The following ADCY2 variants were observed in gnomAD, a reference collection of about 807,000 sequenced individuals.
ADCY2 encodes the protein adenylate cyclase type 2.
ADCY2 carries 31 observed loss-of-function variants against 125.2 expected under a neutral mutation model. That is an observed-to-expected ratio of 0.25 (90% CI 0.19 to 0.33). The LOEUF is 0.33. ADCY2 is among the 10% of genes least tolerant of loss of function. The probability of loss-of-function intolerance (pLI) is 1.00; values close to 1 mark genes in which losing one functional copy is unlikely to be tolerated. For missense variants in ADCY2, 904 were observed against 1,418.2 expected (o/e 0.64, Z 5.82); for synonymous variants, 512 against 548.4 (o/e 0.93, Z 0.93).
intron 22 of ADCY2, among the ~76,000 whole-genome samples, chr5:7,811,229 G>T (rs183209045): frequency 1.4e-4 from 22 of 152,270 alleles, no homozygotes; most frequent in African/African-American, 5.3e-4. Flanking sequence ...TGGGCCGGGC[G>T]CAGTGGCTCA....
intron 21 of ADCY2, among the ~76,000 whole-genome samples, chr5:7,803,216 G>A (rs75839767): frequency 0.016 from 2,405 of 152,226 alleles, 67 homozygotes; most frequent in African/African-American, 0.055. Flanking sequence ...GACAAATAGC[G>A]GCTGGGGGTC....
chr5:7,763,175 G>T (rs897523094), intron 16 of ADCY2, among the ~76,000 whole-genome samples: 3 of 151,774 alleles, frequency 2.0e-5, no homozygotes, highest in Admixed American at 1.3e-4. Flanking sequence ...CTCACTGCAA[G>T]CTCCGCCTCC....
chr5:7,584,486 A>T (rs11957387), intron 3 of ADCY2, among the ~76,000 whole-genome samples: 12,336 of 152,146 alleles, frequency 0.081, 719 homozygotes, highest in Non-Finnish European at 0.12. Context: ...TGAGCAGATG[A>T]ACTGTGTTCA....
intron 15 of ADCY2, among the ~76,000 whole-genome samples, chr5:7,744,631 C>G (rs923886454): frequency 3.9e-5 from 6 of 152,194 alleles, no homozygotes; most frequent in African/African-American, 1.4e-4. Context: ...GATAGAAGGC[C>G]CTGAAGATAA....
intron 18 of ADCY2, 78 bp downstream of exon 18, chr5:7,773,179 G>A (rs1279835848): frequency 1.4e-6 from 2 of 1,403,552 alleles, no homozygotes; most frequent in Admixed American, 2.2e-5. Flanking sequence ...TTGAGTAAAT[G>A]CAAGTTAGCG....
intron 13 of ADCY2, 42 bp downstream of exon 13, chr5:7,724,656 G>A (rs770899757): frequency 5.0e-6 from 7 of 1,405,254 alleles, no homozygotes; most frequent in African/African-American, 2.9e-5. Flanking sequence ...CGAGTTTTCT[G>A]AAATTTGAAT....
At chr5:7,507,874 A>G (rs2126514567) in intron 2 of ADCY2, among the ~76,000 whole-genome samples, 1 of 152,224 alleles carries the variant, frequency 6.6e-6, no homozygotes, top group South Asian at 2.1e-4. Flanking sequence ...TTGCCTTATG[A>G]CTTTAGGCGA....
At chr5:7,766,539 AT>A in intron 16 of ADCY2, 147 bp from the exon 17 acceptor site, 2 of 740,458 alleles carry the variant, frequency 2.7e-6, no homozygotes, top group Non-Finnish European at 2.1e-6. Flanking sequence ...TAAATTGTTA[AT>A]TACTTATTCA....
chr5:7,543,809 T>C (rs571242798), intron 3 of ADCY2, among the ~76,000 whole-genome samples: 3 of 151,754 alleles, frequency 2.0e-5, no homozygotes, highest in South Asian at 2.1e-4. Flanking sequence ...GTCAGGAGAT[T>C]GAGACCATCC....
intron 22 of ADCY2, among the ~76,000 whole-genome samples, chr5:7,805,715 G>A (rs553018097): frequency 3.3e-4 from 50 of 152,158 alleles, no homozygotes; most frequent in Admixed American, 2.6e-3. Flanking sequence ...GAGTGAGAGT[G>A]GGGAGAGAGG....
intron 5 of ADCY2, chr5:7,691,593 CT>C (rs1561169621): frequency 6.6e-6 from 1 of 152,146 alleles, no homozygotes; most frequent in East Asian, 1.9e-4. Flanking sequence ...TCTCCTGCCC[CT>C]GTCTCCGAGC....
chr5:7,738,469 G>A (rs570561993), intron 14 of ADCY2, among the ~76,000 whole-genome samples: 100 of 152,042 alleles, frequency 6.6e-4, no homozygotes, highest in Non-Finnish European at 5.9e-4. Context: ...AAAATGGTAC[G>A]TTTGAAGTAG....
rs144768427 is a variant in ADCY2 at position 7,438,844 on chromosome 5, C to G, written c.408+24074C>G. ...AGGGTGGCATTTGAAGGGCCTGATT[C>G]TGCCCTGGGCTGTGAGGCTGGCCAG... On this transcript the variant is annotated intron_variant, in intron 2 of 24. Coordinates refer to ENST00000338316, the MANE Select transcript of ADCY2 (RefSeq NM_020546.3). Among the ~76,000 whole-genome samples the G allele has an allele frequency of 5.5e-3, 833 of 152,302 alleles. 9 individuals are homozygous for G. Among genetic ancestry groups the G allele is most frequent in the Middle Eastern group, 0.024 (7 of 294 alleles).
chr5:7,562,957 A>G (rs187344271), intron 3 of ADCY2, among the ~76,000 whole-genome samples: 174 of 152,086 alleles, frequency 1.1e-3, no homozygotes, highest in African/African-American at 4.0e-3. Context: ...CCTTTATTTA[A>G]TTTTTTTAAA....
intron 2 of ADCY2, among the ~76,000 whole-genome samples, chr5:7,436,201 G>A (rs2126387605): frequency 2.0e-5 from 3 of 152,292 alleles, no homozygotes; most frequent in Middle Eastern, 6.8e-3. Flanking sequence ...GTGACCAGGG[G>A]TGCATAGGAA....
intron 15 of ADCY2, among the ~76,000 whole-genome samples, chr5:7,748,303 C>A (rs1742692117): frequency 6.6e-6 from 1 of 152,086 alleles, no homozygotes; most frequent in African/African-American, 2.4e-5. Context: ...ATTTCTTGCT[C>A]ACATTCACCA....
At chr5:7,515,861 T>C (rs1005389005) in intron 2 of ADCY2, among the ~76,000 whole-genome samples, 32 of 152,208 alleles carry the variant, frequency 2.1e-4, no homozygotes, top group African/African-American at 7.7e-4. Context: ...AATTAACAAA[T>C]AAATGGGGAC....
intron 2 of ADCY2, among the ~76,000 whole-genome samples, chr5:7,519,687 T>G (rs1176177647): frequency 6.6e-6 from 1 of 152,220 alleles, no homozygotes; most frequent in Non-Finnish European, 1.5e-5. Context: ...TCACACAACA[T>G]AAATTACCCA....
intron 2 of ADCY2, among the ~76,000 whole-genome samples, chr5:7,424,901 C>T (rs1740331981): frequency 6.6e-6 from 1 of 152,162 alleles, no homozygotes. Context: ...TGGGTCTGCC[C>T]TAGCTCCTAT....
Sources: allele counts gnomAD v4.1 joint callset (sites outside exome capture counted in the v4.1 genomes callset), GRCh38; gene constraint gnomAD v4.1.1; transcripts MANE v1.5; gene names NCBI Gene and HGNC (gene_info 2026-07-23, HGNC 2026-07-21).